Variants in SNX29 observed in about 807,000 individuals in gnomAD.
SNX29 encodes the protein sorting nexin-29.
Under a neutral mutation model 102.1 loss-of-function variants are expected in SNX29, and 78 were observed. The observed-to-expected ratio is 0.76, with a 90% CI of 0.64 to 0.92. The LOEUF (loss-of-function observed/expected upper bound fraction) is 0.92. Ranked by LOEUF, SNX29 falls within the 40% of genes least tolerant of loss-of-function variation. The probability of loss-of-function intolerance (pLI) is 0.00; values close to 1 mark genes in which losing one functional copy is unlikely to be tolerated. For synonymous variants in SNX29, 580 were observed against 414.5 expected (o/e 1.40, Z -4.85); for missense variants, 1,280 against 1,061.7 (o/e 1.21, Z -2.86).
intron 19 of SNX29, among the ~76,000 whole-genome samples, chr16:12,482,829 C>A (rs1369685426): frequency 6.6e-6 from 1 of 152,168 alleles, no homozygotes; most frequent in African/African-American, 2.4e-5. Flanking sequence ...TGATCTTAAT[C>A]CCAATTTGAA....
At chr16:12,181,088 C>T (rs1052543157) in intron 13 of SNX29, among the ~76,000 whole-genome samples, 15 of 152,292 alleles carry the variant, frequency 9.8e-5, no homozygotes, top group South Asian at 4.2e-4. Context: ...CCTGGGTTAC[C>T]GTGGATCTCC....
intron 14 of SNX29, among the ~76,000 whole-genome samples, chr16:12,221,440 C>A (rs1410855976): frequency 6.6e-6 from 1 of 152,172 alleles, no homozygotes; most frequent in African/African-American, 2.4e-5. Context: ...CATGGTAAAA[C>A]CCCATCTCTA....
chr16:12,536,625 C>T (rs1025058841), intron 20 of SNX29, among the ~76,000 whole-genome samples: 3 of 152,124 alleles, frequency 2.0e-5, no homozygotes, highest in African/African-American at 7.2e-5. Context: ...GTGGCTGCAG[C>T]AGGGGTGTAT....
At chr16:12,109,011 C>G (rs919114482) in intron 11 of SNX29, among the ~76,000 whole-genome samples, 1 of 151,260 alleles carries the variant, frequency 6.6e-6, no homozygotes, top group African/African-American at 2.4e-5. Context: ...TCCTGTAACC[C>G]CAGCTACTTG....
intron 16 of SNX29, among the ~76,000 whole-genome samples, chr16:12,385,170 C>CA (rs1255267339): frequency 1.3e-5 from 2 of 151,866 alleles, no homozygotes; most frequent in Non-Finnish European, 2.9e-5. Flanking sequence ...AACTCCATCT[C>CA]AAAAAAGAAA....
At chr16:12,086,775 A>AT (rs2052219804) in intron 11 of SNX29, 1 of 152,138 alleles carries the variant, frequency 6.6e-6, no homozygotes, top group Non-Finnish European at 1.5e-5. Context: ...AACTATTGTC[A>AT]TTTTTAAAAA....
chr16:12,548,064 G>T (rs57472141), intron 20 of SNX29, among the ~76,000 whole-genome samples: 37 of 152,046 alleles, frequency 2.4e-4, no homozygotes, highest in East Asian at 3.9e-4. Context: ...GCACACACAC[G>T]GTCAGGCATG....
chr16:12,454,051 A>G (rs368414989), intron 18 of SNX29, among the ~76,000 whole-genome samples: 1 of 152,184 alleles, frequency 6.6e-6, no homozygotes, highest in East Asian at 1.9e-4. Context: ...TTGCAGCTAC[A>G]TATGGCCATG....
intron 11 of SNX29, among the ~76,000 whole-genome samples, chr16:12,115,268 C>A (rs1475569783): frequency 6.6e-6 from 1 of 152,092 alleles, no homozygotes; most frequent in Non-Finnish European, 1.5e-5. Context: ...GTGGTAGGGA[C>A]TGGATTCTCC....
intron 20 of SNX29, among the ~76,000 whole-genome samples, chr16:12,553,271 G>C (rs964945270): frequency 1.3e-5 from 2 of 152,238 alleles, no homozygotes; most frequent in African/African-American, 2.4e-5. Flanking sequence ...CTGCCGCCTA[G>C]GGGCACAGAG....
rs1394366147 is a variant in SNX29 at position 12,290,173 on chromosome 16, AACATGTTC to A, written c.1782+12145_1782+12152del. ...TTAGCATTTAGGTTCCTGTAAAAGT[AACATGTTC>A]ACATGTTAAAGTAAGCCTTTTTGCT... On this transcript the variant is annotated intron_variant, in intron 15 of 20. Coordinates refer to ENST00000566228, the MANE Select transcript of SNX29 (RefSeq NM_032167.5). Among the ~76,000 whole-genome samples, 8 of 152,274 alleles carry A rather than the reference AACATGTTC, an allele frequency of 5.3e-5. No homozygotes were observed. The East Asian group carries it at 1.5e-3, about 29-fold the overall frequency.
intron 19 of SNX29, among the ~76,000 whole-genome samples, chr16:12,523,130 C>T (rs956381835): frequency 3.3e-5 from 5 of 152,130 alleles, no homozygotes; most frequent in Admixed American, 1.3e-4. Context: ...AGCTCTTCAC[C>T]GGGGACCAGG....
Position 11,990,632 on chromosome 16 carries a change from G to A in SNX29, c.8-8665G>A, listed in dbSNP as rs145883382. Reference sequence around the variant, plus strand: ...AAGTCATCATTGGGCTGGTAGCGCCGGGCATCCCAGATGCCCGCCAGTGTA... The same window carrying A: ...AAGTCATCATTGGGCTGGTAGCGCCAGGCATCCCAGATGCCCGCCAGTGTA... On this transcript the variant is annotated intron_variant, in intron 1 of 20. Coordinates refer to ENST00000566228, the MANE Select transcript of SNX29 (RefSeq NM_032167.5). Among the ~76,000 whole-genome samples, 557 of 152,182 alleles carry A rather than the reference G, an allele frequency of 3.7e-3. 4 individuals are homozygous for A. Among genetic ancestry groups the A allele is most frequent in the African/African-American group, 0.013 (520 of 41,522 alleles).
chr16:12,261,711 C>T (rs372528532), intron 14 of SNX29, among the ~76,000 whole-genome samples: 18 of 88,910 alleles, frequency 2.0e-4, no homozygotes, highest in Non-Finnish European at 2.6e-4. Flanking sequence ...CGGGTCTGTG[C>T]GTGCGTCCCC....
At position 12,048,369 on chromosome 16, in the gene SNX29, C is replaced by T. The variant is rs2050169657; in HGVS notation, c.500-3C>T. ...CTCCAGACTTTTCCCTTTTTTTGGG[C>T]AGGTCTGAACTCCATACTCTTTGCG... On this transcript the variant is annotated splice_polypyrimidine_tract_variant and splice_region_variant and intron_variant, in intron 6 of 20. Transcript: ENST00000566228. 1 of 1,613,830 alleles carries T rather than the reference C, an allele frequency of 6.2e-7. No homozygotes were observed. The highest frequency in any genetic ancestry group is 1.1e-5 in the South Asian group (1 of 91,062).
intron 11 of SNX29, among the ~76,000 whole-genome samples, chr16:12,121,345 A>G (rs1380751124): frequency 6.6e-6 from 1 of 152,236 alleles, no homozygotes; most frequent in Non-Finnish European, 1.5e-5. Flanking sequence ...AGAACCCCAT[A>G]GGGGCTCCCC....
chr16:12,433,372 T>A (rs983774427), intron 18 of SNX29, among the ~76,000 whole-genome samples: 2 of 152,090 alleles, frequency 1.3e-5, no homozygotes, highest in Non-Finnish European at 2.9e-5. Context: ...GGCTCACACT[T>A]GTCAGCCCAG....
chr16:12,539,123 A>G (rs1256388979), intron 20 of SNX29, among the ~76,000 whole-genome samples: 1 of 152,170 alleles, frequency 6.6e-6, no homozygotes, highest in East Asian at 1.9e-4. Context: ...TTCACAAAAA[A>G]TTTTTAATTT....
intron 19 of SNX29, among the ~76,000 whole-genome samples, chr16:12,521,795 A>T (rs1027509370): frequency 3.3e-5 from 5 of 152,256 alleles, no homozygotes; most frequent in African/African-American, 1.2e-4. Context: ...CAGAACCAGC[A>T]TTCAGACTGG....
Sources: allele counts gnomAD v4.1 joint callset (sites outside exome capture counted in the v4.1 genomes callset), GRCh38; gene constraint gnomAD v4.1.1; transcripts MANE v1.5; gene names NCBI Gene and HGNC (gene_info 2026-07-23, HGNC 2026-07-21).